The following ERCC6 variants were observed in gnomAD, a reference collection of about 807,000 sequenced individuals.
ERCC6 encodes the protein DNA excision repair protein ERCC-6.
In ERCC6, 116 loss-of-function variants were observed where a neutral mutation model predicts 158.7. The observed-to-expected ratio is 0.73, with a 90% confidence interval of 0.63 to 0.85. The LOEUF (loss-of-function observed/expected upper bound fraction) is 0.85, where lower values mean the gene tolerates loss of function less well. Among genes scored for constraint, ERCC6 ranks in the 40% least tolerant of loss-of-function variants. ERCC6 has a pLI of 0.00. For synonymous variants in ERCC6, 678 were observed against 659.3 expected (o/e 1.03, Z -0.43); for missense variants, 1,698 against 1,799.4 (o/e 0.94, Z 1.02).
At chr10:49,493,396 A>C (rs972825862) in intron 7 of ERCC6, 144 bp from the exon 8 acceptor site, 11 of 1,076,486 alleles carry the variant, frequency 1.0e-5, no homozygotes, top group Admixed American at 4.6e-5. Context: ...TATTTTCTTT[A>C]AGAAAAAGTT....
chr10:49,470,511 T>C lies in ERCC6; in HGVS notation c.3449A>G (p.Lys1150Arg). Residue 1150 changes from lysine (K) to arginine (R), a missense_variant, in exon 18 of 21, where the codon AAG (lysine) becomes AGG (arginine). Lys to Arg is a conservative substitution (Grantham distance 26, BLOSUM62 2). Transcript: ENST00000355832. The stretch of plus-strand genomic sequence containing the variant: ...TTCTCTTTTGTAAGAAAGACCTAAC[T>C]TTTCATCAATGCTTTCATCACCAGA... ...MPSGDESIDE[K>R]LGLSYKRERP... The C allele has an allele frequency of 6.2e-7, 1 of 1,614,220 alleles. No individual in the cohort carries two copies. Among genetic ancestry groups the C allele is most frequent in the Non-Finnish European group, 8.5e-7 (1 of 1,180,026 alleles).
At chr10:49,537,773 C>CCTACGCCAGG (rs1564449508) in intron 1 of ERCC6, among the ~76,000 whole-genome samples, 1 of 151,892 alleles carries the variant, frequency 6.6e-6, no homozygotes, top group Non-Finnish European at 1.5e-5. Context: ...TGGAGTGCAA[C>CCTACGCCAGG]CTCCGCCAGG....
chr10:49,511,757 C>T (rs1447921914), intron 5 of ERCC6, among the ~76,000 whole-genome samples: 1 of 152,140 alleles, frequency 6.6e-6, no homozygotes, highest in Non-Finnish European at 1.5e-5. Context: ...TAAAGCCCGT[C>T]TCAGGCTCCA....
intron 8 of ERCC6, among the ~76,000 whole-genome samples, chr10:49,484,901 C>A (rs1225432987): frequency 6.6e-6 from 1 of 152,160 alleles, no homozygotes; most frequent in Non-Finnish European, 1.5e-5. Flanking sequence ...AAAATCTTTA[C>A]GTAATTCTAA....
In ERCC6 at chr10:49,470,803, G is replaced by GT. The variant is rs745652875; in HGVS notation, c.3156dup (p.Arg1053ThrfsTer8). Reference sequence around the variant, plus strand: ...ATGTTAGAAGCAGGGAACTTCTTGCGTTTTGGAACATCATGGTCTGCTCCA... The same window carrying GT: ...ATGTTAGAAGCAGGGAACTTCTTGCGTTTTTGGAACATCATGGTCTGCTCCA... On this transcript the variant is annotated frameshift_variant, in exon 18 of 21. Coordinates refer to ENST00000355832, the MANE Select transcript of ERCC6 (RefSeq NM_000124.4). LOFTEE classifies it high-confidence loss of function. 6.2e-7 allele frequency: 1 copy of GT among 1,614,092 alleles called. No homozygotes were observed. Among genetic ancestry groups the GT allele is most frequent in the Non-Finnish European group, 8.5e-7 (1 of 1,180,026 alleles).
At chr10:49,499,435 C>G (rs1236076693) in intron 7 of ERCC6, among the ~76,000 whole-genome samples, 1 of 152,188 alleles carries the variant, frequency 6.6e-6, no homozygotes, top group East Asian at 1.9e-4. Flanking sequence ...CTCTACTAAG[C>G]ATTTCGCTGC....
rs1157637875 is a variant in ERCC6 at position 49,476,304 on chromosome 10, A to G, written c.2293T>C (p.Phe765Leu). The G allele has an allele frequency of 4.3e-6, 7 of 1,612,384 alleles. 1 individual carries two copies. The highest frequency in any genetic ancestry group is 1.7e-4 in the Middle Eastern group (1 of 6,060). The change falls in exon 12 of 21, where the codon TTT becomes CTT. Residue 765 changes from phenylalanine (F) to leucine (L), a missense_variant. Physicochemically the swap from Phe to Leu is conservative, Grantham distance 22. Transcript: ENST00000355832. The stretch of plus-strand genomic sequence containing the variant: ...TGCTGCTCATCTGTAAGACGGCAAA[A>G]TAAGACCTACGGACGGGAAAAACAA... ...SLPDKNEQVL[F>L]CRLTDEQHKV...
the ERCC6 span, among the ~76,000 whole-genome samples, chr10:49,448,002 T>G: frequency 6.6e-6 from 1 of 152,198 alleles, no homozygotes; most frequent in East Asian, 1.9e-4. Context: ...CTATGAATAT[T>G]CACATACAAG....
At chr10:49,528,634 T>G in intron 3 of ERCC6, 109 bp from the exon 4 acceptor site, 1 of 1,334,514 alleles carries the variant, frequency 7.5e-7, no homozygotes, top group South Asian at 1.3e-5. Context: ...AAAATAAAAA[T>G]AATATACATT....
chr10:49,516,253 C>T, intron 5 of ERCC6: 3 of 1,614,126 alleles, frequency 1.9e-6, no homozygotes, highest in South Asian at 2.2e-5. Flanking sequence ...ATGGGCTTTC[C>T]CCGAATAAAT....
At position 49,500,636 on chromosome 10, in the gene ERCC6, A is replaced by G. The variant is rs763672096; in HGVS notation, c.1587T>C (p.Ile529=). ...WELHCQQAGG[I]LGDEMGLGKT... is the part of the protein sequence containing the mutation. ...TGCCCAATCCCATTTCATCTCCCAG[A>G]ATTCCTCCTGCCTGCTGGCAGTGCA... Residue 529 remains isoleucine (I), a synonymous_variant, in exon 7 of 21, where the codon ATT becomes ATC. Coordinates refer to ENST00000355832, the MANE Select transcript of ERCC6 (RefSeq NM_000124.4). 78 of 1,613,902 alleles carry G rather than the reference A, an allele frequency of 4.8e-5. No homozygotes were observed. The highest frequency in any genetic ancestry group is 6.4e-5 in the Non-Finnish European group (76 of 1,179,924).
chr10:49,511,840 G>A (rs1181724018), intron 5 of ERCC6, among the ~76,000 whole-genome samples: 1 of 152,164 alleles, frequency 6.6e-6, no homozygotes, highest in East Asian at 1.9e-4. Context: ...AAAACCGAAT[G>A]TAGGCAAAAG....
intron 13 of ERCC6, 60 bp downstream of exon 13, chr10:49,473,965 TTG>T (rs763479105): frequency 1.1e-5 from 16 of 1,421,922 alleles, no homozygotes; most frequent in Non-Finnish European, 1.5e-5. Context: ...GAATCCCATT[TTG>T]TGAGTTGATG....
chr10:49,510,221 C>T (rs116576048), intron 5 of ERCC6, among the ~76,000 whole-genome samples: 192 of 152,150 alleles, frequency 1.3e-3, no homozygotes, highest in African/African-American at 4.2e-3. Context: ...ATTAGGGTGC[C>T]GCATCAATGG....
chr10:49,519,891 C>T (rs1837102632), intron 5 of ERCC6, among the ~76,000 whole-genome samples: 1 of 152,190 alleles, frequency 6.6e-6, no homozygotes, highest in Non-Finnish European at 1.5e-5. Context: ...GCTCCTCCCA[C>T]TCTGCACCTG....
the ERCC6 span, among the ~76,000 whole-genome samples, chr10:49,441,484 T>C: frequency 3.3e-5 from 5 of 152,318 alleles, no homozygotes; most frequent in East Asian, 9.7e-4. Flanking sequence ...TGAAAAAAAT[T>C]TACTCACTTT....
downstream of ERCC6, among the ~76,000 whole-genome samples, chr10:49,451,555 G>T (rs2132517378): frequency 6.6e-6 from 1 of 152,116 alleles, no homozygotes; most frequent in South Asian, 2.1e-4. Flanking sequence ...TTATTATATT[G>T]ATATAATGTA....
chr10:49,493,343 A>T, intron 7 of ERCC6, 91 bp from the exon 8 acceptor site: 1 of 1,491,008 alleles, frequency 6.7e-7, no homozygotes, highest in Non-Finnish European at 9.2e-7. Context: ...ACAAACAAAA[A>T]ACTTAGTTCA....
At chr10:49,476,166 C>A (rs377238628) in intron 12 of ERCC6, 49 bp downstream of exon 12, 3 of 1,326,632 alleles carry the variant, frequency 2.3e-6, no homozygotes, top group Non-Finnish European at 3.3e-6. Context: ...TCCTCCCTCA[C>A]TTCTCTTGGT....
Sources: gnomAD v4.1 joint callset for allele counts (sites outside exome capture counted in the v4.1 genomes callset) on GRCh38, gnomAD v4.1.1 for gene constraint, MANE v1.5 for transcripts, NCBI Gene and HGNC (gene_info 2026-07-23, HGNC 2026-07-21) for gene names.